PCDHA7: variants seen among roughly 807,000 people sequenced by gnomAD.
PCDHA7 encodes protocadherin alpha 7.
PCDHA7 carries 37 observed loss-of-function variants against 57.2 expected under a neutral mutation model. That is an observed-to-expected ratio of 0.65 (90% CI 0.50 to 0.85). PCDHA7 has a LOEUF of 0.85. Among genes scored for constraint, PCDHA7 ranks in the 40% least tolerant of loss-of-function variants. PCDHA7 has a pLI of 0.00. For missense variants in PCDHA7, 1,188 were observed against 1,241.8 expected (o/e 0.96, Z 0.65); for synonymous variants, 553 against 558.8 (o/e 0.99, Z 0.15).
chr5:140,968,896 A>G (rs2096277975), intron 1 of PCDHA7: 1 of 1,614,240 alleles, frequency 6.2e-7, no homozygotes, highest in Non-Finnish European at 8.5e-7. Context: ...ATCTAATAAT[A>G]GCATTAAGCA....
At chr5:140,897,443 G>T (rs533610542) in intron 1 of PCDHA7, among the ~76,000 whole-genome samples, 75 of 150,100 alleles carry the variant, frequency 5.0e-4, no homozygotes, top group Middle Eastern at 3.5e-3. Flanking sequence ...GCAGTGTTTG[G>T]TTTTTTGTCC....
intron 1 of PCDHA7, chr5:140,843,376 C>G (rs1554140003): frequency 1.3e-6 from 2 of 1,595,956 alleles, no homozygotes; most frequent in Admixed American, 1.7e-5. Context: ...AGTCGGCTGG[C>G]GTTTTGGGTC....
intron 1 of PCDHA7, chr5:140,927,857 G>A: frequency 6.2e-7 from 1 of 1,614,172 alleles, no homozygotes; most frequent in African/African-American, 1.3e-5. Context: ...GGTTTAGCTA[G>A]CACCGCTAAA....
intron 1 of PCDHA7, chr5:140,884,124 G>T: frequency 6.2e-7 from 1 of 1,613,344 alleles, no homozygotes; most frequent in South Asian, 1.1e-5. Flanking sequence ...GTCGGCGCGC[G>T]CATCCCGTTC....
chr5:140,963,964 C>T (rs1207514831), intron 1 of PCDHA7, among the ~76,000 whole-genome samples: 1 of 152,182 alleles, frequency 6.6e-6, no homozygotes, highest in Non-Finnish European at 1.5e-5. Flanking sequence ...AGGAGTGTGA[C>T]TGACTCCAAA....
At position 140,944,693 on chromosome 5, in the gene PCDHA7, G is replaced by A. The variant is rs191002677; in HGVS notation, c.2356-34256G>A. 1.7e-3 allele frequency among the ~76,000 whole-genome samples: 252 copies of A among 152,248 alleles called. No homozygotes were observed. In the Middle Eastern group the frequency reaches 0.017, roughly 10 times the overall value. On this transcript the variant is annotated intron_variant, in intron 1 of 3. Coordinates refer to ENST00000525929, the MANE Select transcript of PCDHA7 (RefSeq NM_018910.3). ...TATTCTGTGTATCCTATTAATAACA[G>A]TAATTATCAGGTTATTTTGCCTTTG...
chr5:140,858,809 A>G (rs2045602165), intron 1 of PCDHA7: 1 of 352,582 alleles, frequency 2.8e-6, no homozygotes, highest in African/African-American at 2.2e-5. Flanking sequence ...CTAAATTTTG[A>G]TTTGATTGTA....
chr5:140,852,598 AT>A, intron 1 of PCDHA7: 1 of 898,436 alleles, frequency 1.1e-6, no homozygotes, highest in Non-Finnish European at 1.3e-6. Context: ...TTTTTTTGTC[AT>A]TTTCTTTCAA....
intron 1 of PCDHA7, chr5:140,870,868 G>C (rs550915753): frequency 1.2e-6 from 2 of 1,613,944 alleles, no homozygotes; most frequent in Non-Finnish European, 1.7e-6. Context: ...TGCGGGCCAC[G>C]TGGTGGCGAA....
chr5:140,977,750 G>A (rs2096773664), intron 1 of PCDHA7, among the ~76,000 whole-genome samples: 1 of 152,142 alleles, frequency 6.6e-6, no homozygotes, highest in South Asian at 2.1e-4. Context: ...GAAGAAATGT[G>A]TTTATTAAAT....
At chr5:140,842,129 G>A (rs1181203703) in intron 1 of PCDHA7, 2 of 1,613,748 alleles carry the variant, frequency 1.2e-6, no homozygotes, top group Non-Finnish European at 1.7e-6. Context: ...TTCTGATCCG[G>A]ATGAAGGAGC....
At chr5:140,872,977 GC>G (rs1326111410) in intron 1 of PCDHA7, among the ~76,000 whole-genome samples, 3 of 152,086 alleles carry the variant, frequency 2.0e-5, no homozygotes, top group African/African-American at 7.2e-5. Context: ...GAAGATTTGA[GC>G]AAAGATCATT....
chr5:140,871,211 T>A (rs781784103), intron 1 of PCDHA7: 1 of 1,613,724 alleles, frequency 6.2e-7, no homozygotes, highest in Non-Finnish European at 8.5e-7. Flanking sequence ...ATCATCGCCA[T>A]CTGCGTGGTG....
intron 1 of PCDHA7, chr5:140,884,355 T>A (rs1562803326): frequency 1.9e-6 from 3 of 1,613,922 alleles, no homozygotes; most frequent in East Asian, 2.2e-5. Context: ...CTGGTGGATG[T>A]CAATGTTTAC....
chr5:140,858,489 C>A, intron 1 of PCDHA7: 1 of 1,498,912 alleles, frequency 6.7e-7, no homozygotes, highest in Non-Finnish European at 9.1e-7. Flanking sequence ...AATATTTTCT[C>A]TTACCGCATT....
rs146340581 is a variant in PCDHA7, at chr5:140,957,263, C to T, written c.2356-21686C>T. On this transcript the variant is annotated intron_variant, in intron 1 of 3. Transcript: ENST00000525929. ...TCTACCTAAAATTTAAATATGTAAG[C>T]ACTAGTCCCCCCTTACCTGCAGTTT... Among the ~76,000 whole-genome samples, 73 of 152,260 alleles carry T rather than the reference C, an allele frequency of 4.8e-4. No homozygotes were observed. In the East Asian group the frequency reaches 0.01, roughly 22 times the overall value.
intron 1 of PCDHA7, chr5:140,868,880 A>G (rs1384235072): frequency 1.4e-6 from 1 of 698,244 alleles, no homozygotes; most frequent in Non-Finnish European, 2.3e-6. Flanking sequence ...CAGTACTCAC[A>G]GTTTTAGGCG....
chr5:140,997,831 A>G (rs938860065), intron 3 of PCDHA7, among the ~76,000 whole-genome samples: 3 of 152,210 alleles, frequency 2.0e-5, no homozygotes, highest in African/African-American at 4.8e-5. Context: ...TTTCTAAACA[A>G]TACAATATAC....
chr5:140,870,823 G>A (rs971082881), intron 1 of PCDHA7: 1 of 1,613,762 alleles, frequency 6.2e-7, no homozygotes, highest in Non-Finnish European at 8.5e-7. Flanking sequence ...CAGCGCGGGA[G>A]GCGCAGTTAA....
Sources: allele counts gnomAD v4.1 joint callset (sites outside exome capture counted in the v4.1 genomes callset), GRCh38; gene constraint gnomAD v4.1.1; transcripts MANE v1.5; gene names NCBI Gene and HGNC (gene_info 2026-07-23, HGNC 2026-07-21).